THTPA: variants seen among roughly 807,000 people sequenced by gnomAD.
THTPA encodes thiamine triphosphatase, also known as thiamine-triphosphatase.
THTPA carries 16 observed loss-of-function variants against 16.5 expected under a neutral mutation model. That is an observed-to-expected ratio of 0.97 (90% CI 0.66 to 1.47). THTPA has a LOEUF of 1.47. Among genes scored for constraint, THTPA ranks in the 40% most tolerant of loss-of-function variants. The pLI, the probability that THTPA is intolerant of heterozygous loss-of-function variation, is 0.00. For synonymous variants in THTPA, 110 were observed against 115.5 expected (o/e 0.95, Z 0.30); for missense variants, 281 against 280.9 (o/e 1.00, Z 0.00).
the THTPA span, chr14:23,530,029 G>T: frequency 2.4e-5 from 31 of 1,295,868 alleles, no homozygotes; most frequent in Non-Finnish European, 3.1e-5. Context: ...TGCTCCTTGA[G>T]CACAGACATT....
the THTPA span, chr14:23,533,605 C>T: frequency 6.5e-7 from 1 of 1,536,794 alleles, no homozygotes; most frequent in Admixed American, 2.0e-5. The surrounding 1 kb of genome is among the most constrained non-coding windows in gnomAD (Gnocchi z 4.8). Context: ...CTCGTAGCTG[C>T]ACACCTTGCA....
the THTPA span, chr14:23,523,319 G>A: frequency 1.3e-4 from 192 of 1,453,398 alleles, no homozygotes; most frequent in Non-Finnish European, 1.7e-4. The surrounding 1 kb of genome is among the most constrained non-coding windows in gnomAD (Gnocchi z 4.1). Flanking sequence ...GGAGGCAGGT[G>A]TGGTGGCAGG....
At chr14:23,527,177 C>A in the THTPA span, among the ~76,000 whole-genome samples, 1 of 152,194 alleles carries the variant, frequency 6.6e-6, no homozygotes, top group Non-Finnish European at 1.5e-5. Flanking sequence ...CTGGCTTCCT[C>A]TTTCCCCAAA....
At chr14:23,522,010 C>T in the THTPA span, 16 of 1,536,206 alleles carry the variant, frequency 1.0e-5, no homozygotes, top group Admixed American at 2.0e-5. Context: ...GGTTGGAGTC[C>T]GTGTGAGGTA....
the THTPA span, chr14:23,523,267 C>T: frequency 5.2e-5 from 74 of 1,436,334 alleles, no homozygotes; most frequent in Middle Eastern, 3.6e-4. The surrounding 1 kb of genome is among the most constrained non-coding windows in gnomAD (Gnocchi z 4.1). Flanking sequence ...ATAAGAGGAC[C>T]GGCGCCAGGC....
the THTPA span, chr14:23,520,892 AT>A: frequency 7.2e-6 from 1 of 139,314 alleles, no homozygotes; most frequent in African/African-American, 2.8e-5. This position sits in a 1 kb window ranked among gnomAD's most constrained non-coding sequence, Gnocchi z 8.7. Flanking sequence ...TTTTTTCTGT[AT>A]TTTCCAAGTT....
the THTPA span, chr14:23,532,513 C>G: frequency 7.0e-7 from 1 of 1,418,940 alleles, no homozygotes; most frequent in East Asian, 2.6e-5. Flanking sequence ...CATCTCCTCC[C>G]TCTGTCCCCA....
chr14:23,526,375 C>T, the THTPA span: 244 of 1,536,194 alleles, frequency 1.6e-4, no homozygotes, highest in Admixed American at 4.1e-4. Flanking sequence ...ACTTATAGGG[C>T]CGGGCAGGGT....
At chr14:23,525,326 C>T in the THTPA span, 1 of 1,536,050 alleles carries the variant, frequency 6.5e-7, no homozygotes, top group Non-Finnish European at 8.7e-7. The surrounding 1 kb of genome is among the most constrained non-coding windows in gnomAD (Gnocchi z 5.9). Flanking sequence ...ATCCAGAGAC[C>T]CATCAGGAGG....
Position 23,560,164 on chromosome 14 carries a change from C to T in THTPA, c.*1324C>T. 6.6e-7 allele frequency: 1 copy of T among 1,521,646 alleles called. No individual in the cohort carries two copies. The highest frequency in any genetic ancestry group is 2.3e-5 in the East Asian group (1 of 44,068). 94.3% of individuals were successfully genotyped at this position (1,521,646 alleles called of 1,614,324 possible). On this transcript the variant is annotated 3_prime_UTR_variant, in exon 2 of 2. Coordinates refer to ENST00000288014, the MANE Select transcript of THTPA (RefSeq NM_024328.6). ...TGCTGATCTCCAGATGACTCAATCC[C>T]ATCTCACACTGTCTCCCACCCACCT... is the stretch of plus-strand genomic sequence containing the variant.
the THTPA span, chr14:23,521,622 AG>A: frequency 4.1e-6 from 1 of 242,008 alleles, no homozygotes; most frequent in African/African-American, 2.3e-5. Context: ...AGTGAGGAAA[AG>A]GAAGATAGAA....
the THTPA span, chr14:23,522,099 C>G: frequency 6.5e-7 from 1 of 1,535,454 alleles, no homozygotes; most frequent in Non-Finnish European, 8.7e-7. Context: ...GGTGGGCCCC[C>G]TTGAGGTGGG....
chr14:23,527,748 A>G, the THTPA span: 1 of 1,536,058 alleles, frequency 6.5e-7, no homozygotes. Flanking sequence ...AGAGTGTATG[A>G]GCCCTCACCT....
the THTPA span, among the ~76,000 whole-genome samples, chr14:23,518,727 A>T: frequency 6.6e-6 from 1 of 152,160 alleles, no homozygotes; most frequent in African/African-American, 2.4e-5. The surrounding 1 kb of genome is among the most constrained non-coding windows in gnomAD (Gnocchi z 4.5). Flanking sequence ...GGTACTGTAA[A>T]ATAGGTGTTA....
At chr14:23,533,800 C>T in the THTPA span, 125 of 1,547,726 alleles carry the variant, frequency 8.1e-5, no homozygotes, top group East Asian at 2.2e-4. This position sits in a 1 kb window ranked among gnomAD's most constrained non-coding sequence, Gnocchi z 4.8. Flanking sequence ...GACGTCACAG[C>T]GGTAGGGTTT....
chr14:23,534,238 G>C, the THTPA span: 3 of 1,522,068 alleles, frequency 2.0e-6, no homozygotes, highest in Non-Finnish European at 2.6e-6. This position sits in a 1 kb window ranked among gnomAD's most constrained non-coding sequence, Gnocchi z 4.5. Flanking sequence ...TGCTACTGGC[G>C]ATTCTTTGGC....
the THTPA span, among the ~76,000 whole-genome samples, chr14:23,549,528 T>C: frequency 2.0e-5 from 3 of 152,006 alleles, no homozygotes; most frequent in South Asian, 4.1e-4. Context: ...ATTACACTAA[T>C]AAACACTGCC....
chr14:23,535,851 C>T, the THTPA span, among the ~76,000 whole-genome samples: 1 of 152,186 alleles, frequency 6.6e-6, no homozygotes, highest in African/African-American at 2.4e-5. The surrounding 1 kb of genome is among the most constrained non-coding windows in gnomAD (Gnocchi z 4.5). Context: ...CTCGGCCTCC[C>T]AAAGTGCTAG....
At chr14:23,517,342 A>G in the THTPA span, among the ~76,000 whole-genome samples, 6 of 152,164 alleles carry the variant, frequency 3.9e-5, no homozygotes, top group African/African-American at 1.4e-4. Context: ...TCTTCTGCAA[A>G]TGTCCTCTCT....
Sources: allele counts gnomAD v4.1 joint callset (sites outside exome capture counted in the v4.1 genomes callset), GRCh38; gene constraint gnomAD v4.1.1; non-coding constraint Gnocchi (gnomAD v3.1); transcripts MANE v1.5; gene names NCBI Gene and HGNC (gene_info 2026-07-23, HGNC 2026-07-21).